Variants in LRRC4C observed in about 807,000 individuals in gnomAD.
LRRC4C encodes the protein leucine rich repeat containing 4C, also known as leucine-rich repeat-containing protein 4C.
Under a neutral mutation model 33.6 loss-of-function variants are expected in LRRC4C, and 5 were observed. The ratio of observed to expected loss-of-function variants is 0.15; its 90% confidence interval spans 0.08 to 0.31. The LOEUF is 0.31. Ranked by LOEUF, LRRC4C falls within the 10% of genes least tolerant of loss-of-function variation. The pLI is 1.00. For missense variants in LRRC4C, 560 were observed against 796.7 expected (o/e 0.70, Z 3.58); for synonymous variants, 329 against 302.0 (o/e 1.09, Z -0.93).
chr11:41,289,270 T>C (rs16935553), intron 1 of LRRC4C, among the ~76,000 whole-genome samples: 2,811 of 152,302 alleles, frequency 0.018, 39 homozygotes, highest in Middle Eastern at 0.027. Context: ...AGTAATAGTC[T>C]TTGTGTTAAT....
chr11:41,112,919 T>G (rs80096513), intron 1 of LRRC4C, among the ~76,000 whole-genome samples: 1 of 152,066 alleles, frequency 6.6e-6, no homozygotes, highest in African/African-American at 2.4e-5. Flanking sequence ...CACGTGTACA[T>G]TTATTAATTT....
At chr11:41,094,920 C>A (rs887310320) in intron 1 of LRRC4C, among the ~76,000 whole-genome samples, 1 of 152,142 alleles carries the variant, frequency 6.6e-6, no homozygotes, top group Non-Finnish European at 1.5e-5. Flanking sequence ...GACAGAGTTT[C>A]ATGACTTTAA....
intron 1 of LRRC4C, among the ~76,000 whole-genome samples, chr11:41,188,719 A>C (rs1298763097): frequency 6.6e-6 from 1 of 151,918 alleles, no homozygotes; most frequent in African/African-American, 2.4e-5. Context: ...AAAAAAAAAA[A>C]AAAGAGTATA....
chr11:40,450,753 TG>T (rs1285676706), intron 3 of LRRC4C, among the ~76,000 whole-genome samples: 1 of 148,312 alleles, frequency 6.7e-6, no homozygotes, highest in African/African-American at 2.5e-5. Flanking sequence ...TACAACAAAC[TG>T]GCACATGTAT....
At chr11:40,490,160 A>G (rs971252571) in intron 3 of LRRC4C, among the ~76,000 whole-genome samples, 1 of 152,332 alleles carries the variant, frequency 6.6e-6, no homozygotes, top group Admixed American at 6.5e-5. Context: ...TAAAAAAAGT[A>G]GTAGTTTCTC....
At chr11:41,354,939 G>T (rs1243566209) in intron 1 of LRRC4C, among the ~76,000 whole-genome samples, 1 of 151,946 alleles carries the variant, frequency 6.6e-6, no homozygotes, top group Non-Finnish European at 1.5e-5. Flanking sequence ...TAGGCCTTGG[G>T]AAAGATTTCA....
intron 1 of LRRC4C, among the ~76,000 whole-genome samples, chr11:41,381,091 G>A (rs115521074): frequency 0.014 from 2,203 of 152,080 alleles, 60 homozygotes; most frequent in African/African-American, 0.051. Context: ...AACATCCCTG[G>A]GCATATAGAG....
intron 1 of LRRC4C, among the ~76,000 whole-genome samples, chr11:41,427,956 T>C (rs1433143986): frequency 6.6e-6 from 1 of 151,722 alleles, no homozygotes; most frequent in Non-Finnish European, 1.5e-5. Context: ...ACAACCCCCT[T>C]TGACTGTAAT....
intron 1 of LRRC4C, among the ~76,000 whole-genome samples, chr11:41,211,423 T>G (rs1042633810): frequency 7.2e-5 from 11 of 152,122 alleles, no homozygotes; most frequent in African/African-American, 2.2e-4. Flanking sequence ...TTGGTGTGCT[T>G]CACCCATTAA....
At chr11:40,540,589 A>C (rs1169319079) in intron 3 of LRRC4C, among the ~76,000 whole-genome samples, 2 of 152,096 alleles carry the variant, frequency 1.3e-5, no homozygotes, top group Non-Finnish European at 2.9e-5. Flanking sequence ...GAGTTCTAAA[A>C]TTTAGGTAAG....
rs549199908 is a variant in LRRC4C at position 40,327,850 on chromosome 11, G to A, written c.-269-8129C>T. Among the ~76,000 whole-genome samples the A allele has an allele frequency of 3.3e-5, 5 of 151,920 alleles. No homozygotes were observed. In the South Asian group the frequency reaches 1.0e-3, roughly 32 times the overall value. On this transcript the variant is annotated intron_variant, in intron 3 of 6. Coordinates refer to ENST00000528697, the MANE Select transcript of LRRC4C (RefSeq NM_001258419.2). ...AATTAATAACAAAAACAATAAAGTT[G>A]ATTACTTTTATGTTGACCTATAAAA...
At chr11:40,651,553 A>C (rs542877099) in intron 2 of LRRC4C, among the ~76,000 whole-genome samples, 1 of 152,320 alleles carries the variant, frequency 6.6e-6, no homozygotes, top group African/African-American at 2.4e-5. Flanking sequence ...GAGATCCTCT[A>C]TAAGCTAGGT....
intron 1 of LRRC4C, among the ~76,000 whole-genome samples, chr11:40,934,904 C>T (rs1437704006): frequency 6.6e-6 from 1 of 152,150 alleles, no homozygotes; most frequent in Non-Finnish European, 1.5e-5. Flanking sequence ...CACCAATTTT[C>T]TCTTCCTGCT....
At chr11:41,064,938 C>T (rs1938105748) in intron 1 of LRRC4C, among the ~76,000 whole-genome samples, 2 of 151,926 alleles carry the variant, frequency 1.3e-5, no homozygotes, top group Non-Finnish European at 2.9e-5. Flanking sequence ...CCCTTGTGAG[C>T]CTACACCACC....
rs866303413 is a variant in LRRC4C, at chr11:40,308,939, T to C, written c.-176+10689A>G. 3.3e-5 allele frequency among the ~76,000 whole-genome samples: 5 copies of C among 152,340 alleles called. No homozygotes were observed. The Middle Eastern group carries it at 0.01, about 311-fold the overall frequency. On this transcript the variant is annotated intron_variant, in intron 4 of 6. Transcript: ENST00000528697. ...TCATCAGAATGGGCTGCACCATCCA[T>C]ATTTCTACCAACATTCTGTTCATGA...
chr11:40,916,569 G>A (rs1956968899), intron 2 of LRRC4C, among the ~76,000 whole-genome samples: 1 of 151,944 alleles, frequency 6.6e-6, no homozygotes, highest in Non-Finnish European at 1.5e-5. Context: ...AGGTGGGAGG[G>A]ATAGCATTAG....
intron 1 of LRRC4C, among the ~76,000 whole-genome samples, chr11:40,976,351 G>T (rs1189633984): frequency 1.3e-5 from 2 of 152,080 alleles, no homozygotes; most frequent in Non-Finnish European, 2.9e-5. Context: ...TATCTCCTGG[G>T]TTCTTGTGTA....
At chr11:40,456,146 C>A (rs1161825279) in intron 3 of LRRC4C, among the ~76,000 whole-genome samples, 1 of 152,094 alleles carries the variant, frequency 6.6e-6, no homozygotes, top group Non-Finnish European at 1.5e-5. Context: ...ATTAATCAAC[C>A]TCTTTAGCGT....
intron 3 of LRRC4C, among the ~76,000 whole-genome samples, chr11:40,643,817 C>T (rs2136104686): frequency 6.6e-6 from 1 of 152,216 alleles, no homozygotes; most frequent in South Asian, 2.1e-4. Context: ...TGAGCTTCTA[C>T]CTCCAACTGC....
Sources: allele counts gnomAD v4.1 joint callset (sites outside exome capture counted in the v4.1 genomes callset), GRCh38; gene constraint gnomAD v4.1.1; transcripts MANE v1.5; gene names NCBI Gene and HGNC (gene_info 2026-07-23, HGNC 2026-07-21).